SEMA3D: variants seen among roughly 807,000 people sequenced by gnomAD.
SEMA3D encodes semaphorin 3D.
A neutral mutation model predicts 100.1 loss-of-function variants in SEMA3D; 84 were observed. The observed-to-expected ratio is 0.84, with a 90% CI of 0.70 to 1.01. SEMA3D has a LOEUF of 1.01. Among genes scored for constraint, SEMA3D ranks in the 50% least tolerant of loss-of-function variants. The pLI is 0.00. For missense variants in SEMA3D, 875 were observed against 934.1 expected (o/e 0.94, Z 0.82); for synonymous variants, 312 against 320.7 (o/e 0.97, Z 0.29).
At position 85,029,550 on chromosome 7, in the gene SEMA3D, G is replaced by A. The variant is rs565551370; in HGVS notation, c.1192-6937C>T. ...AAGAATTTGAACATGCACAGCAAGA[G>A]CTGGAGAAGTCTTCAAGTCCATGAT... On this transcript the variant is annotated intron_variant, in intron 12 of 18. Transcript: ENST00000284136. The A allele has an allele frequency of 6.1e-4, 338 of 555,866 alleles. 1 individual carries two copies. The highest frequency in any genetic ancestry group is 9.3e-4 in the Non-Finnish European group (273 of 294,874). 34.4% of individuals were successfully genotyped at this position (555,866 alleles called of 1,614,324 possible).
At chr7:85,192,321 G>A in the SEMA3D span, among the ~76,000 whole-genome samples, 1 of 151,834 alleles carries the variant, frequency 6.6e-6, no homozygotes, top group Non-Finnish European at 1.5e-5. Flanking sequence ...AACAAGCCAG[G>A]TGGCTAAATT....
intron 1 of SEMA3D, among the ~76,000 whole-genome samples, chr7:85,174,250 A>G (rs1043707700): frequency 9.9e-5 from 15 of 152,108 alleles, no homozygotes; most frequent in Non-Finnish European, 2.1e-4. Context: ...TTCTTCTAAA[A>G]TTGTCTACTT....
At chr7:85,241,906 A>G in the SEMA3D span, among the ~76,000 whole-genome samples, 1 of 152,222 alleles carries the variant, frequency 6.6e-6, no homozygotes, top group Non-Finnish European at 1.5e-5. Context: ...TCCAAAAGTA[A>G]GGCAATAACA....
At chr7:85,194,432 T>C in the SEMA3D span, among the ~76,000 whole-genome samples, 8 of 152,196 alleles carry the variant, frequency 5.3e-5, no homozygotes, top group Non-Finnish European at 1.0e-4. Context: ...TTTCGTCTAA[T>C]CCATTTTCTG....
At chr7:85,100,617 A>G (rs1458950762) in intron 3 of SEMA3D, among the ~76,000 whole-genome samples, 1 of 151,900 alleles carries the variant, frequency 6.6e-6, no homozygotes, top group African/African-American at 2.4e-5. Flanking sequence ...CACTAAGGTA[A>G]TTCTAAAAAG....
chr7:85,243,200 C>T, the SEMA3D span, among the ~76,000 whole-genome samples: 1 of 152,104 alleles, frequency 6.6e-6, no homozygotes, highest in Non-Finnish European at 1.5e-5. Flanking sequence ...GAAGGCAAGC[C>T]TTGTTTATGG....
At chr7:85,049,312 C>T (rs952017771) in intron 9 of SEMA3D, among the ~76,000 whole-genome samples, 2 of 151,370 alleles carry the variant, frequency 1.3e-5, no homozygotes, top group Admixed American at 6.6e-5. Context: ...TTGTGATTTG[C>T]CGTTAATGAC....
the SEMA3D span, among the ~76,000 whole-genome samples, chr7:85,238,093 G>A: frequency 9.2e-5 from 14 of 152,056 alleles, no homozygotes; most frequent in Non-Finnish European, 1.3e-4. Flanking sequence ...TATTTTGCAC[G>A]TTTCTTTTAT....
upstream of SEMA3D, among the ~76,000 whole-genome samples, chr7:85,188,050 G>A (rs922094946): frequency 1.1e-4 from 16 of 152,278 alleles, no homozygotes; most frequent in Admixed American, 2.6e-4. Flanking sequence ...CAAGGTGTAG[G>A]GTCCCAAAGC....
At chr7:85,222,571 T>C in the SEMA3D span, among the ~76,000 whole-genome samples, 2 of 152,132 alleles carry the variant, frequency 1.3e-5, no homozygotes, top group East Asian at 1.9e-4. Context: ...CCAGAATTAA[T>C]TGATTTATTT....
the SEMA3D span, among the ~76,000 whole-genome samples, chr7:85,231,599 T>C: frequency 1.6e-3 from 237 of 152,112 alleles, 9 homozygotes; most frequent in East Asian, 0.031. Context: ...TACAGGCGTC[T>C]GCCACCACAC....
chr7:85,241,303 C>T, the SEMA3D span, among the ~76,000 whole-genome samples: 7 of 151,292 alleles, frequency 4.6e-5, no homozygotes, highest in Non-Finnish European at 1.0e-4. Context: ...ATCCAGCATA[C>T]CATTTGATCC....
At chr7:85,180,275 C>T (rs537991121) in intron 1 of SEMA3D, among the ~76,000 whole-genome samples, 226 of 152,244 alleles carry the variant, frequency 1.5e-3, no homozygotes, top group Non-Finnish European at 2.3e-3. Flanking sequence ...CCTCTTTCCC[C>T]TGCACTTCTC....
chr7:85,084,550 A>T (rs1165640122), intron 4 of SEMA3D, among the ~76,000 whole-genome samples: 1 of 152,150 alleles, frequency 6.6e-6, no homozygotes, highest in Admixed American at 6.5e-5. Context: ...TTATTGATGC[A>T]GACCTTGTGC....
At chr7:85,094,523 C>T (rs1258145592) in intron 4 of SEMA3D, among the ~76,000 whole-genome samples, 1 of 151,940 alleles carries the variant, frequency 6.6e-6, no homozygotes, top group African/African-American at 2.4e-5. Flanking sequence ...AATACTGCTT[C>T]CTAGCTTTCC....
At chr7:85,141,627 TC>T (rs1247799552) in intron 2 of SEMA3D, 1 of 984,346 alleles carries the variant, frequency 1.0e-6, no homozygotes, top group East Asian at 1.1e-4. Flanking sequence ...TGGCACATAT[TC>T]TTTCACCCAT....
chr7:85,097,586 ATATT>A, intron 4 of SEMA3D, among the ~76,000 whole-genome samples: 1 of 151,916 alleles, frequency 6.6e-6, no homozygotes, highest in Admixed American at 6.6e-5. Context: ...AGCTTTTATT[ATATT>A]TATTCACTCT....
chr7:85,013,378 C>A (rs927243744), intron 16 of SEMA3D, among the ~76,000 whole-genome samples: 1 of 151,690 alleles, frequency 6.6e-6, no homozygotes, highest in Non-Finnish European at 1.5e-5. Flanking sequence ...GTATAAAAGA[C>A]TACCTGTTAT....
the SEMA3D span, among the ~76,000 whole-genome samples, chr7:85,244,831 C>T: frequency 0.34 from 52,009 of 151,116 alleles, 10,234 homozygotes; most frequent in Non-Finnish European, 0.45. Context: ...TTGCTTCAGC[C>T]TCCTGAGTAG....
Sources: gnomAD v4.1 joint callset for allele counts (sites outside exome capture counted in the v4.1 genomes callset) on GRCh38, gnomAD v4.1.1 for gene constraint, MANE v1.5 for transcripts, NCBI Gene and HGNC (gene_info 2026-07-23, HGNC 2026-07-21) for gene names.